ANK3: variants seen among roughly 807,000 people sequenced by gnomAD.
ANK3 encodes ankyrin-3.
Under a neutral mutation model 370.9 loss-of-function variants are expected in ANK3, and 57 were observed. That is an observed-to-expected ratio of 0.15 (90% confidence interval 0.12 to 0.19). The LOEUF (loss-of-function observed/expected upper bound fraction) is 0.19, where lower values mean the gene tolerates loss of function less well. Among genes scored for constraint, ANK3 ranks in the 10% least tolerant of loss-of-function variants. ANK3 has a pLI of 1.00. For missense variants in ANK3, 4,439 were observed against 5,302.1 expected, an observed-to-expected ratio of 0.84 and a Z score of 5.06; for synonymous variants, 1,929 against 1,946.3, an observed-to-expected ratio of 0.99 and a Z score of 0.23.
At chr10:60,127,058 A>T (rs1435442517) in intron 25 of ANK3, among the ~76,000 whole-genome samples, 1 of 152,242 alleles carries the variant, frequency 6.6e-6, no homozygotes, top group Non-Finnish European at 1.5e-5. Context: ...ATCCAGCTCA[A>T]ATGATGGTAG....
intron 12 of ANK3, among the ~76,000 whole-genome samples, chr10:60,202,143 T>TG (rs1353476073): frequency 2.0e-5 from 3 of 152,074 alleles, no homozygotes; most frequent in Non-Finnish European, 2.9e-5. Context: ...TTTTTTGAGA[T>TG]GGAGTTTCAC....
At position 60,433,142 on chromosome 10, in the gene ANK3, C is replaced by A. The variant is rs567312313; in HGVS notation, c.97-153503G>T. On this transcript the variant is annotated intron_variant, in intron 2 of 43. Transcript: ENST00000373827. ...AACATTAAAACAACAAAAAGACATA[C>A]AAAGAACAACACTGAAAAAGAGAAC... Among the ~76,000 whole-genome samples the A allele has an allele frequency of 3.4e-4, 46 of 134,632 alleles. No homozygotes were observed. In the South Asian group the frequency reaches 0.011, roughly 32 times the overall value. 88.3% of individuals were successfully genotyped at this position (134,632 alleles called of 152,430 possible).
intron 1 of ANK3, among the ~76,000 whole-genome samples, chr10:60,706,097 G>A (rs2079613266): frequency 6.6e-6 from 1 of 152,104 alleles, no homozygotes. Context: ...GTGTTGGCAT[G>A]AGCCACCGCA....
chr10:60,338,301 A>G (rs967471985), intron 1 of ANK3, among the ~76,000 whole-genome samples: 2 of 152,148 alleles, frequency 1.3e-5, no homozygotes, highest in Non-Finnish European at 2.9e-5. Context: ...CAGTACTTAG[A>G]CCATTTGCAT....
At chr10:60,656,260 A>AAATAG (rs756849213) in intron 1 of ANK3, among the ~76,000 whole-genome samples, 6,514 of 152,228 alleles carry the variant, frequency 0.043, 174 homozygotes, top group Middle Eastern at 0.075. Flanking sequence ...AAGCATTAGT[A>AAATAG]CCTTTCATCT....
At chr10:60,703,284 T>A (rs2079569459) in intron 1 of ANK3, among the ~76,000 whole-genome samples, 1 of 152,110 alleles carries the variant, frequency 6.6e-6, no homozygotes, top group Admixed American at 6.6e-5. Flanking sequence ...TAAGGTTAGG[T>A]TTTTGGGGTT....
intron 1 of ANK3, among the ~76,000 whole-genome samples, chr10:60,380,476 G>A (rs533541886): frequency 3.2e-4 from 48 of 152,246 alleles, no homozygotes; most frequent in African/African-American, 1.1e-3. Context: ...CTTACTAACT[G>A]TGAAACTTTG....
intron 1 of ANK3, among the ~76,000 whole-genome samples, chr10:60,623,437 G>A (rs1377675647): frequency 6.6e-6 from 1 of 152,150 alleles, no homozygotes; most frequent in East Asian, 1.9e-4. Flanking sequence ...GGACACAGCA[G>A]ATAGATAGCA....
In ANK3 at chr10:60,327,056, A is replaced by G. The variant is rs72822288; in HGVS notation, c.115-47417T>C. Among the ~76,000 whole-genome samples, 708 of 151,936 alleles carry G rather than the reference A, an allele frequency of 4.7e-3. 4 individuals are homozygous for G. Among genetic ancestry groups the G allele is most frequent in the Non-Finnish European group, 6.1e-3 (417 of 68,000 alleles). On this transcript the variant is annotated intron_variant, in intron 1 of 43. Transcript: ENST00000280772. ...CTCTCTTAAGGCAGGGACTGGCCTC[A>G]TAAAGCAAGTCAGATCTTTATTTTT...
chr10:60,483,849 A>G (rs2075285790), intron 2 of ANK3, among the ~76,000 whole-genome samples: 1 of 152,204 alleles, frequency 6.6e-6, no homozygotes, highest in South Asian at 2.1e-4. Flanking sequence ...TTCTTAGGTC[A>G]CAAAGGGCTT....
chr10:60,565,445 C>A (rs11817234), intron 2 of ANK3, among the ~76,000 whole-genome samples: 2 of 152,056 alleles, frequency 1.3e-5, no homozygotes, highest in Non-Finnish European at 2.9e-5. Flanking sequence ...TATCAGTCCA[C>A]GTCACAGGGG....
At chr10:60,431,120 T>C (rs1331652474) in intron 2 of ANK3, among the ~76,000 whole-genome samples, 2 of 152,196 alleles carry the variant, frequency 1.3e-5, no homozygotes, top group African/African-American at 2.4e-5. Flanking sequence ...TAATATACAA[T>C]GAAATAATTA....
chr10:60,063,329 C>A lies in ANK3; in HGVS notation c.12452-75G>T, dbSNP rs975856646. On this transcript the variant is annotated intron_variant, in intron 39 of 43. Transcript: ENST00000280772. ...AGTCAGCACAATATCTACACAAAGGCATGGCTTTTGCAGCCCTGCTGACAT... is the reference window on the plus strand; with the variant it reads ...AGTCAGCACAATATCTACACAAAGGAATGGCTTTTGCAGCCCTGCTGACAT... The A allele has an allele frequency of 3.5e-6, 5 of 1,448,932 alleles. No homozygotes were observed. The Admixed American group carries it at 1.2e-4, about 34-fold the overall frequency. 89.8% of individuals were successfully genotyped at this position (1,448,932 alleles called of 1,614,324 possible).
intron 23 of ANK3, chr10:60,144,090 C>T (rs1437685441): frequency 3.2e-6 from 1 of 311,306 alleles, no homozygotes; most frequent in East Asian, 1.3e-4. Context: ...TGTTCCTCCA[C>T]CTCAGCTGCT....
intron 40 of ANK3, 89 bp downstream of exon 40, chr10:60,063,022 T>G: frequency 7.7e-7 from 1 of 1,300,210 alleles, no homozygotes; most frequent in Non-Finnish European, 1.0e-6. Context: ...CAAATCACAG[T>G]TTAGTTGCTT....
chr10:60,053,740 G>A (rs1255897252), intron 42 of ANK3: 1 of 1,303,560 alleles, frequency 7.7e-7, no homozygotes, highest in Admixed American at 2.3e-5. Flanking sequence ...GATTTTTTAG[G>A]GGATAAAAAG....
intron 8 of ANK3, among the ~76,000 whole-genome samples, chr10:60,226,270 AT>A (rs1157059899): frequency 5.6e-4 from 59 of 105,244 alleles, no homozygotes; most frequent in African/African-American, 2.0e-3. Context: ...AATACTATAT[AT>A]ACTATGTATA....
At chr10:60,537,296 G>A (rs1373711511) in intron 2 of ANK3, among the ~76,000 whole-genome samples, 1 of 151,950 alleles carries the variant, frequency 6.6e-6, no homozygotes, top group African/African-American at 2.4e-5. Flanking sequence ...ATATAAAAAA[G>A]GATGTGTTAA....
At position 60,479,193 on chromosome 10, in the gene ANK3, A is replaced by G. The variant is rs540749464; in HGVS notation, c.96+135993T>C. On this transcript the variant is annotated intron_variant, in intron 2 of 43. Coordinates refer to the ANK3 transcript ENST00000373827. ...TTTCCTTAATAAAAAGCGTACTGTC[A>G]TGCACCACATAACGTTTCAATGATA... 4.3e-4 allele frequency among the ~76,000 whole-genome samples: 66 copies of G among 152,288 alleles called. 1 individual carries two copies. In the South Asian group the frequency reaches 0.013, roughly 30 times the overall value.
Sources: gnomAD v4.1 joint callset for allele counts (sites outside exome capture counted in the v4.1 genomes callset) on GRCh38, gnomAD v4.1.1 for gene constraint, MANE v1.5 for transcripts, NCBI Gene and HGNC (gene_info 2026-07-23, HGNC 2026-07-21) for gene names.